Variants in SHROOM4 observed in about 807,000 individuals in gnomAD.
SHROOM4 encodes shroom family member 4.
Under a neutral mutation model 80.3 loss-of-function variants are expected in SHROOM4, and 17 were observed. The observed-to-expected ratio is 0.21, with a 90% CI of 0.14 to 0.32. SHROOM4 has a LOEUF of 0.32. Among genes scored for constraint, SHROOM4 ranks in the 10% least tolerant of loss-of-function variants. The probability of loss-of-function intolerance (pLI) is 1.00; values close to 1 mark genes in which losing one functional copy is unlikely to be tolerated. For synonymous variants in SHROOM4, 400 were observed against 437.5 expected, an observed-to-expected ratio of 0.91 and a Z score of 1.07; for missense variants, 993 against 1,140.3, an observed-to-expected ratio of 0.87 and a Z score of 1.86.
chrX:50,604,548 G>A (rs782105673), intron 6 of SHROOM4, among the ~76,000 whole-genome samples: 14 of 111,847 alleles, frequency 1.3e-4, no homozygotes, highest in Non-Finnish European at 5.6e-5. Flanking sequence ...AGAATATTCT[G>A]GAGGGAATAT....
intron 5 of SHROOM4, among the ~76,000 whole-genome samples, chrX:50,622,121 T>C (rs1229227354): frequency 8.9e-6 from 1 of 112,281 alleles, no homozygotes; most frequent in Non-Finnish European, 1.9e-5. Context: ...ATGAAATGCT[T>C]ACAACAGTGT....
chrX:50,814,021 T>G lies in SHROOM4; in HGVS notation c.-3A>C. ...AAGGACCCAGGCCGGTTCTCCATCC[T>G]CGGCTGGGCTCAGGCGCCGCCGGGC... is the stretch of plus-strand genomic sequence containing the variant. On this transcript the variant is annotated 5_prime_UTR_variant, in exon 1 of 9. Coordinates refer to ENST00000376020, the MANE Select transcript of SHROOM4 (RefSeq NM_020717.5). 1 of 1,187,484 alleles carries G rather than the reference T, an allele frequency of 8.4e-7. No individual in the cohort carries two copies. The highest frequency in any genetic ancestry group is 1.1e-6 in the Non-Finnish European group (1 of 875,724).
At chrX:50,759,008 C>T (rs1449356697) in intron 1 of SHROOM4, among the ~76,000 whole-genome samples, 1 of 111,564 alleles carries the variant, frequency 9.0e-6, no homozygotes, top group Non-Finnish European at 1.9e-5. Context: ...AAGTGATGTT[C>T]CCTCCTCAAT....
intron 2 of SHROOM4, among the ~76,000 whole-genome samples, chrX:50,666,206 A>G (rs1394144090): frequency 2.7e-5 from 3 of 111,334 alleles, no homozygotes; most frequent in African/African-American, 9.8e-5. Flanking sequence ...ATTGTATTCC[A>G]TGATGGCATG....
intron 5 of SHROOM4, among the ~76,000 whole-genome samples, chrX:50,618,349 T>TTCCC: frequency 8.5e-5 from 1 of 11,830 alleles, no homozygotes; most frequent in Non-Finnish European, 1.5e-4. Context: ...CCTTCCTTCC[T>TTCCC]TCCTTCCTTC....
chrX:50,806,243 G>A (rs782340511), intron 1 of SHROOM4, among the ~76,000 whole-genome samples: 4 of 111,996 alleles, frequency 3.6e-5, no homozygotes, highest in Middle Eastern at 4.6e-3. Context: ...CTTGTGTTGC[G>A]ATATGGTACA....
chrX:50,717,748 C>A (rs1339967129), intron 1 of SHROOM4, among the ~76,000 whole-genome samples: 2 of 111,792 alleles, frequency 1.8e-5, no homozygotes, highest in Non-Finnish European at 3.8e-5. Flanking sequence ...CACATTAGGG[C>A]AGCAGTTTTC....
At chrX:50,639,756 G>T (rs1931515179) in intron 2 of SHROOM4, among the ~76,000 whole-genome samples, 1 of 111,385 alleles carries the variant, frequency 9.0e-6, no homozygotes, top group Non-Finnish European at 1.9e-5. Context: ...GTAGTACAAG[G>T]CTCTAGAGGG....
At chrX:50,615,688 C>T (rs782175798) in intron 5 of SHROOM4, among the ~76,000 whole-genome samples, 4 of 111,396 alleles carry the variant, frequency 3.6e-5, no homozygotes, top group African/African-American at 1.3e-4. Context: ...ACTGTAACCT[C>T]GTAGCCCAGG....
At chrX:50,766,271 A>C (rs1935273417) in intron 1 of SHROOM4, among the ~76,000 whole-genome samples, 1 of 111,045 alleles carries the variant, frequency 9.0e-6, no homozygotes, top group African/African-American at 3.3e-5. Flanking sequence ...GCTTTGTTAT[A>C]ATTATTTAAA....
At chrX:50,615,822 G>T (rs1557250695) in intron 5 of SHROOM4, among the ~76,000 whole-genome samples, 1 of 111,587 alleles carries the variant, frequency 9.0e-6, no homozygotes, top group African/African-American at 3.3e-5. Flanking sequence ...TTATCTCGAG[G>T]CTGTGTTTGC....
chrX:50,790,444 T>A (rs1297100048), intron 1 of SHROOM4, among the ~76,000 whole-genome samples: 1 of 111,160 alleles, frequency 9.0e-6, no homozygotes. Flanking sequence ...ATTTCCAAAC[T>A]CATTTTATGA....
At chrX:50,803,321 G>A (rs1258498216) in intron 1 of SHROOM4, among the ~76,000 whole-genome samples, 1 of 112,650 alleles carries the variant, frequency 8.9e-6, no homozygotes, top group East Asian at 2.8e-4. Flanking sequence ...ATTGGCCATA[G>A]GAAGAATAGC....
At chrX:50,581,215 C>A in the SHROOM4 span, among the ~76,000 whole-genome samples, 1 of 111,701 alleles carries the variant, frequency 9.0e-6, no homozygotes, top group Non-Finnish European at 1.9e-5. Flanking sequence ...AATTTTGTTC[C>A]CAGATTGTAA....
intron 2 of SHROOM4, among the ~76,000 whole-genome samples, chrX:50,682,736 C>G (rs1310472074): frequency 9.0e-6 from 1 of 111,694 alleles, no homozygotes; most frequent in Non-Finnish European, 1.9e-5. Flanking sequence ...GAAGAAGGAG[C>G]AGAATGTGAA....
In SHROOM4 at chrX:50,732,848, T is replaced by C. The variant is rs111428677; in HGVS notation, c.118-36911A>G. Among the ~76,000 whole-genome samples the C allele has an allele frequency of 6.2e-3, 694 of 112,150 alleles. 9 individuals are homozygous for C. Among genetic ancestry groups the C allele is most frequent in the African/African-American group, 0.021 (657 of 30,896 alleles). ...ATTCTACTAAACATTCAAAGAGGAA[T>C]TAATATAAATTCTTAAAAAACTCTT... On this transcript the variant is annotated intron_variant, in intron 1 of 8. Transcript: ENST00000376020.
intron 1 of SHROOM4, among the ~76,000 whole-genome samples, chrX:50,724,871 T>C (rs980474038): frequency 7.1e-5 from 8 of 112,074 alleles, no homozygotes; most frequent in African/African-American, 2.6e-4. Flanking sequence ...ATCACTTATG[T>C]CTTTGGTATT....
chrX:50,751,477 C>T (rs1410803386), intron 1 of SHROOM4, among the ~76,000 whole-genome samples: 3 of 111,761 alleles, frequency 2.7e-5, no homozygotes, highest in East Asian at 2.8e-4. Flanking sequence ...ACATTCTGTA[C>T]GTCAGGAAGA....
chrX:50,742,606 G>A (rs1602480018), intron 1 of SHROOM4, among the ~76,000 whole-genome samples: 1 of 85,490 alleles, frequency 1.2e-5, no homozygotes, highest in East Asian at 3.6e-4. Context: ...TTCTCTGCTG[G>A]TTTCTTCATA....
Sources: allele counts gnomAD v4.1 joint callset (sites outside exome capture counted in the v4.1 genomes callset), GRCh38; gene constraint gnomAD v4.1.1; transcripts MANE v1.5; gene names NCBI Gene and HGNC (gene_info 2026-07-23, HGNC 2026-07-21).